NFKBIB: variants seen among roughly 807,000 people sequenced by gnomAD.
NFKBIB encodes NF-kappa-B inhibitor beta.
In NFKBIB, 16 loss-of-function variants were observed where a neutral mutation model predicts 32.1. That is an observed-to-expected ratio of 0.50 (90% CI 0.34 to 0.76). NFKBIB has a LOEUF of 0.76. Among genes scored for constraint, NFKBIB ranks in the 30% least tolerant of loss-of-function variants. NFKBIB has a pLI of 0.01. For synonymous variants in NFKBIB, 222 were observed against 219.5 expected, an observed-to-expected ratio of 1.01 and a Z score of -0.10; for missense variants, 437 against 514.9, an observed-to-expected ratio of 0.85 and a Z score of 1.46.
Position 38,905,464 on chromosome 19 carries a change from C to G in NFKBIB, c.548C>G (p.Ser183Cys). ...ACCCCTGTCGCCTTGTACCCCGATT[C>G]CGACTTGGAGAAGGAAGAAGAGGAG... ...NHTPVALYPDSDLEKEEEESE... is the reference protein window; with the variant it reads ...NHTPVALYPDCDLEKEEEESE... Residue 183 changes from serine (S) to cysteine (C), a missense_variant, in exon 3 of 6, where the codon TCC (serine) becomes TGC (cysteine). Transcript: ENST00000313582. This position sits in a 1 kb window ranked among gnomAD's most constrained non-coding sequence, Gnocchi z 5.5. The G allele has an allele frequency of 6.2e-7, 1 of 1,613,944 alleles. No homozygotes were observed. The highest frequency in any genetic ancestry group is 1.1e-5 in the South Asian group (1 of 91,080).
intron 3 of NFKBIB, among the ~76,000 whole-genome samples, chr19:38,906,777 T>C (rs574627299): frequency 6.6e-6 from 1 of 152,284 alleles, no homozygotes; most frequent in East Asian, 1.9e-4. Context: ...CCTTTATTTT[T>C]TATTTTTAGT....
rs766126438 is a variant in NFKBIB, at chr19:38,908,808, T to G, written c.1047T>G (p.Leu349=). The G allele has an allele frequency of 2.5e-6, 4 of 1,613,420 alleles. No individual in the cohort carries two copies. In the South Asian group the frequency reaches 4.4e-5, roughly 18 times the overall value. The change falls in exon 6 of 6, where the codon CTT becomes CTG. Residue 349 remains leucine (L), a synonymous_variant. Coordinates refer to ENST00000313582, the MANE Select transcript of NFKBIB (RefSeq NM_002503.5). ...RLPPTPASKP[L]PDDPRPV Reference sequence around the variant, plus strand: ...CTCCCACCCCAGCCTCAAAACCTCTTCCTGACGACCCCCGCCCCGTGTGAT... The same window carrying G: ...CTCCCACCCCAGCCTCAAAACCTCTGCCTGACGACCCCCGCCCCGTGTGAT...
chr19:38,901,080 A>T (rs1013116120), intron 1 of NFKBIB, among the ~76,000 whole-genome samples: 1 of 152,234 alleles, frequency 6.6e-6, no homozygotes, highest in Non-Finnish European at 1.5e-5. Context: ...TTCAAGGAGA[A>T]GGAACTGCAG....
chr19:38,905,288 G>A lies in NFKBIB; in HGVS notation c.372G>A (p.Glu124=). 6.2e-7 allele frequency: 1 copy of A among 1,604,470 alleles called. No individual in the cohort carries two copies. Among genetic ancestry groups the A allele is most frequent in the Non-Finnish European group, 8.5e-7 (1 of 1,176,490 alleles). ...CAGGCGCCGGGCTGTGTGTGGCGGAGCGTAGGGGCCACACGGCGCTGCACC... is the reference window on the plus strand; with the variant it reads ...CAGGCGCCGGGCTGTGTGTGGCGGAACGTAGGGGCCACACGGCGCTGCACC... ...YAAGAGLCVA[E]RRGHTALHLA... The change falls in exon 3 of 6, where the codon GAG becomes GAA. Residue 124 remains glutamate, a synonymous_variant. Coordinates refer to ENST00000313582, the MANE Select transcript of NFKBIB (RefSeq NM_002503.5). The surrounding 1 kb of genome is among the most constrained non-coding windows in gnomAD (Gnocchi z 5.5).
At position 38,900,006 on chromosome 19, in the gene NFKBIB, CGG is replaced by C; in HGVS notation, c.-22_-21del. 3 of 1,444,098 alleles carry C rather than the reference CGG, an allele frequency of 2.1e-6. No individual in the cohort carries two copies. The highest frequency in any genetic ancestry group is 2.7e-6 in the Non-Finnish European group (3 of 1,101,710). 89.5% of individuals were successfully genotyped at this position (1,444,098 alleles called of 1,614,324 possible). A position where few individuals can be genotyped will look rare whatever the true frequency, so the allele number is the denominator to read the frequency against. On this transcript the variant is annotated 5_prime_UTR_variant, in exon 1 of 6. Coordinates refer to ENST00000313582, the MANE Select transcript of NFKBIB (RefSeq NM_002503.5). ...AAGCCCAGCTACAGGCGGGCGACTG[CGG>C]GGGGCCCCTGAGGCGGCGGGGGCCA...
At position 38,900,175 on chromosome 19, in the gene NFKBIB, C is replaced by T. The variant is rs1199652551; in HGVS notation, c.143C>T (p.Pro48Leu). 4 of 1,603,866 alleles carry T rather than the reference C, an allele frequency of 2.5e-6. No individual in the cohort carries two copies. In the South Asian group the frequency reaches 3.4e-5, roughly 14 times the overall value. ...AELGPGLSWA[P>L]LVFGYVTEDG... ...TTGGGCCCGGGGCTGTCGTGGGCTCCCCTCGTCTTCGGCTACGTCACTGAG... is the reference window on the plus strand; with the variant it reads ...TTGGGCCCGGGGCTGTCGTGGGCTCTCCTCGTCTTCGGCTACGTCACTGAG... Residue 48 changes from proline to leucine, a missense_variant, in exon 1 of 6, where the codon CCC (proline) becomes CTC (leucine). Pro to Leu is a moderately conservative substitution (Grantham distance 98). Transcript: ENST00000313582.
chr19:38,901,211 T>A (rs1973948003), intron 1 of NFKBIB, among the ~76,000 whole-genome samples: 1 of 150,500 alleles, frequency 6.6e-6, no homozygotes, highest in East Asian at 1.9e-4. Flanking sequence ...TCAACCAGCT[T>A]TATAGTCTCG....
chr19:38,902,000 C>T (rs916587494), intron 1 of NFKBIB, among the ~76,000 whole-genome samples: 4 of 151,378 alleles, frequency 2.6e-5, no homozygotes, highest in African/African-American at 9.7e-5. Flanking sequence ...CTTTTTCCTC[C>T]CTCCTTTTTG....
At chr19:38,899,689 C>A, upstream of NFKBIB, 1 of 979,352 alleles carries the variant, frequency 1.0e-6, no homozygotes, top group Non-Finnish European at 1.6e-6. Context: ...TCTCAGCAGA[C>A]ATTGCGGCCG....
At chr19:38,907,356 T>A (rs1021935380) in intron 4 of NFKBIB, 43 bp from the exon 5 acceptor site, 24 of 1,600,774 alleles carry the variant, frequency 1.5e-5, no homozygotes, top group Non-Finnish European at 1.9e-5. Context: ...AGGGGGCTTG[T>A]CCCCTCTTCG....
rs762880969 is a variant in NFKBIB, at chr19:38,905,130, G to A, written c.285+10G>A. 6 of 1,614,030 alleles carry A rather than the reference G, an allele frequency of 3.7e-6. No homozygotes were observed. The highest frequency in any genetic ancestry group is 1.7e-5 in the Admixed American group (1 of 60,008). On this transcript the variant is annotated intron_variant, in intron 2 of 5. Transcript: ENST00000313582. This position sits in a 1 kb window ranked among gnomAD's most constrained non-coding sequence, Gnocchi z 5.5. ...GAATGACCTAGGCCAGGTGAGCCAC[G>A]AGGGATGGTGTAGGGCTTGGGGTCC...
At position 38,899,988 on chromosome 19, in the gene NFKBIB, G is replaced by A; in HGVS notation, c.-45G>A. 6.9e-7 allele frequency: 1 copy of A among 1,440,568 alleles called. No homozygotes were observed. The highest frequency in any genetic ancestry group is 1.5e-5 in the South Asian group (1 of 68,780). 89.2% of individuals were successfully genotyped at this position (1,440,568 alleles called of 1,614,324 possible). A position where few individuals can be genotyped will look rare whatever the true frequency, so the allele number is the denominator to read the frequency against. On this transcript the variant is annotated 5_prime_UTR_variant, in exon 1 of 6. Transcript: ENST00000313582. ...GCTCCAGAACTCCCGGCAAAGCCCA[G>A]CTACAGGCGGGCGACTGCGGGGGGC...
At chr19:38,906,303 C>T (rs1478556970) in intron 3 of NFKBIB, among the ~76,000 whole-genome samples, 1 of 150,170 alleles carries the variant, frequency 6.7e-6, no homozygotes, top group Admixed American at 6.7e-5. Flanking sequence ...GCTACCATGC[C>T]CAGCTTATTT....
chr19:38,906,336 G>T (rs1974116615), intron 3 of NFKBIB, among the ~76,000 whole-genome samples: 1 of 151,640 alleles, frequency 6.6e-6, no homozygotes, highest in South Asian at 2.1e-4. Context: ...TAGAGACGGG[G>T]TTTTACCATG....
intron 3 of NFKBIB, 46 bp from the exon 4 acceptor site, chr19:38,907,175 G>C (rs754569859): frequency 6.5e-7 from 1 of 1,540,382 alleles, no homozygotes; most frequent in Non-Finnish European, 8.9e-7. Flanking sequence ...GGTGGGGTGG[G>C]GGGGGCCCTC....
chr19:38,907,566 C>T lies in NFKBIB; in HGVS notation c.876C>T (p.Leu292=). The part of the protein sequence containing the change: ...MLRPNPILAR[L]LRAHGAPEPE... ...GGCCCAACCCCATCCTCGCCCGCCT[C>T]CTCCGTGCACACGGAGCCCCTGAGC... is the stretch of plus-strand genomic sequence containing the variant. The change falls in exon 5 of 6, where the codon CTC becomes CTT. Residue 292 remains leucine, a synonymous_variant. Transcript: ENST00000313582. 6.2e-7 allele frequency: 1 copy of T among 1,612,542 alleles called. No individual in the cohort carries two copies. The highest frequency in any genetic ancestry group is 1.3e-5 in the African/African-American group (1 of 75,060).
At chr19:38,907,808 A>G (rs1974190966) in intron 5 of NFKBIB, 149 bp downstream of exon 5, 1 of 1,442,668 alleles carries the variant, frequency 6.9e-7, no homozygotes, top group South Asian at 1.5e-5. Context: ...ACTAGTCAGG[A>G]GAGACCTGGA....
chr19:38,907,140 T>C (rs1049757522), intron 3 of NFKBIB, 81 bp from the exon 4 acceptor site: 2 of 1,312,992 alleles, frequency 1.5e-6, no homozygotes, highest in Admixed American at 3.9e-5. Context: ...TCACGCCACA[T>C]GACCCTCCCC....
chr19:38,904,088 T>A (rs968097426), intron 1 of NFKBIB, among the ~76,000 whole-genome samples: 3 of 23,438 alleles, frequency 1.3e-4, no homozygotes, highest in African/African-American at 3.1e-4. Flanking sequence ...AAAATTAAAA[T>A]AAATAAATAA....
Sources: allele counts gnomAD v4.1 joint callset (sites outside exome capture counted in the v4.1 genomes callset), GRCh38; gene constraint gnomAD v4.1.1; non-coding constraint Gnocchi (gnomAD v3.1); transcripts MANE v1.5; gene names NCBI Gene and HGNC (gene_info 2026-07-23, HGNC 2026-07-21).